The following MYO10 variants were observed in gnomAD, a reference collection of about 807,000 sequenced individuals.
The protein encoded by MYO10 is myosin X.
In MYO10, 133 loss-of-function variants were observed where a neutral mutation model predicts 257.3. The ratio of observed to expected loss-of-function variants is 0.52; its 90% CI spans 0.45 to 0.60. The LOEUF is 0.60. Among genes scored for constraint, MYO10 ranks in the 20% least tolerant of loss-of-function variants. MYO10 has a pLI of 0.00. For synonymous variants in MYO10, 1,104 were observed against 1,028.6 expected (o/e 1.07, Z -1.40); for missense variants, 2,399 against 2,635.7 (o/e 0.91, Z 1.97).
chr5:16,704,612 A>T lies in MYO10; in HGVS notation c.2243T>A (p.Val748Glu). 6.2e-7 allele frequency: 1 copy of T among 1,613,884 alleles called. No homozygotes were observed. The highest frequency in any genetic ancestry group is 8.5e-7 in the Non-Finnish European group (1 of 1,179,878). ...REEEVSHAAM[V>E]IRAHVLGFLA... ...GAAGCCCAAGACATGGGCCCGAATC[A>T]CCATGGCCGCGTGGCTCACTTCCTC... The change falls in exon 22 of 41, where the codon GTG becomes GAG. Residue 748 changes from valine (V) to glutamate (E), a missense_variant. By Grantham distance (121) the Val-to-Glu change is moderately radical. Transcript: ENST00000513610.
At chr5:16,754,689 G>T in intron 19 of MYO10, 139 bp downstream of exon 19, 1 of 479,446 alleles carries the variant, frequency 2.1e-6, no homozygotes, top group East Asian at 3.3e-5. Context: ...TTCATTTCAT[G>T]TCAAGTTATA....
At chr5:16,694,274 C>T (rs534026542) in intron 27 of MYO10, 97 bp downstream of exon 27, 4 of 1,557,132 alleles carry the variant, frequency 2.6e-6, no homozygotes, top group Non-Finnish European at 3.5e-6. Flanking sequence ...CTGCTACAGG[C>T]TACTGCCGCT....
chr5:16,880,542 T>C (rs1276658122), intron 1 of MYO10, among the ~76,000 whole-genome samples: 1 of 152,186 alleles, frequency 6.6e-6, no homozygotes, highest in African/African-American at 2.4e-5. Context: ...TCTTCAAAGA[T>C]GCTCCAAACA....
At chr5:16,668,110 G>T (rs962650958) in intron 40 of MYO10, among the ~76,000 whole-genome samples, 167 bp downstream of exon 40, 9 of 152,174 alleles carry the variant, frequency 5.9e-5, no homozygotes, top group Non-Finnish European at 1.2e-4. Context: ...TCAGATTTTG[G>T]CCTGCAGGGA....
At chr5:16,725,065 T>TCAC (rs1739302432) in intron 19 of MYO10, among the ~76,000 whole-genome samples, 1 of 145,520 alleles carries the variant, frequency 6.9e-6, no homozygotes, top group Admixed American at 6.9e-5. Flanking sequence ...TACAGTTCTC[T>TCAC]CACCTTCTTC....
intron 1 of MYO10, among the ~76,000 whole-genome samples, chr5:16,932,595 G>A (rs145945244): frequency 1.4e-4 from 21 of 152,136 alleles, no homozygotes; most frequent in Middle Eastern, 3.4e-3. Context: ...CAATTAACTC[G>A]AGGGGAGCCA....
At chr5:16,706,374 A>T (rs1265629701) in intron 21 of MYO10, among the ~76,000 whole-genome samples, 1 of 152,204 alleles carries the variant, frequency 6.6e-6, no homozygotes, top group Non-Finnish European at 1.5e-5. Flanking sequence ...TGTAATCATC[A>T]TTAAAGATGT....
chr5:16,774,127 A>G (rs1697867569), intron 9 of MYO10, among the ~76,000 whole-genome samples: 1 of 152,158 alleles, frequency 6.6e-6, no homozygotes, highest in Non-Finnish European at 1.5e-5. Flanking sequence ...AGACTGAAAA[A>G]ACCATGGGAA....
intron 26 of MYO10, among the ~76,000 whole-genome samples, chr5:16,695,170 C>T (rs967208252): frequency 7.2e-5 from 11 of 152,076 alleles, no homozygotes. Flanking sequence ...CCTGTCTCTA[C>T]TAAAAATACA....
rs375419087 is a variant in MYO10 at position 16,701,395 on chromosome 5, G to A, written c.3000C>T (p.Asp1000=). ...EEEVDEGFEA[D]DDAFKDSPNP... is the part of the protein sequence containing the mutation. Reference sequence around the variant, plus strand: ...TGGGGGAGTCCTTGAAGGCGTCGTCGTCGGCTTCGAAGCCCTCATCGACCT... The same window carrying A: ...TGGGGGAGTCCTTGAAGGCGTCGTCATCGGCTTCGAAGCCCTCATCGACCT... The change falls in exon 25 of 41, where the codon GAC becomes GAT. Residue 1000 remains aspartate, a synonymous_variant. Coordinates refer to ENST00000513610, the MANE Select transcript of MYO10 (RefSeq NM_012334.3). The surrounding 1 kb of genome is among the most constrained non-coding windows in gnomAD (Gnocchi z 8.1). 2.8e-5 allele frequency: 45 copies of A among 1,613,962 alleles called. No homozygotes were observed. The South Asian group carries it at 3.2e-4, about 11-fold the overall frequency.
At chr5:16,808,960 A>C (rs1464980892) in intron 3 of MYO10, among the ~76,000 whole-genome samples, 1 of 151,824 alleles carries the variant, frequency 6.6e-6, no homozygotes, top group Non-Finnish European at 1.5e-5. Context: ...ATGAGCCACC[A>C]CGCCCAGCCT....
intron 1 of MYO10, among the ~76,000 whole-genome samples, chr5:16,880,343 C>T (rs1300282681): frequency 1.3e-5 from 2 of 151,576 alleles, no homozygotes; most frequent in East Asian, 3.9e-4. Context: ...ATCACAGTGG[C>T]TGGAGATCCC....
chr5:16,678,743 G>C (rs1736849593), intron 33 of MYO10, among the ~76,000 whole-genome samples: 1 of 152,200 alleles, frequency 6.6e-6, no homozygotes, highest in African/African-American at 2.4e-5. Context: ...CAAAAACTGA[G>C]TTCCCTCTTG....
intron 1 of MYO10, among the ~76,000 whole-genome samples, chr5:16,889,368 T>A: frequency 6.6e-6 from 1 of 150,800 alleles, no homozygotes; most frequent in Non-Finnish European, 1.5e-5. Flanking sequence ...ATCACGCCAC[T>A]ATACTCCAGC....
chr5:16,750,932 T>C (rs1394773663), intron 19 of MYO10, among the ~76,000 whole-genome samples: 2 of 151,436 alleles, frequency 1.3e-5, no homozygotes, highest in African/African-American at 2.4e-5. Flanking sequence ...GAGACGGAGG[T>C]TGTGGTGAGC....
intron 37 of MYO10, 118 bp downstream of exon 37, chr5:16,672,571 A>C: frequency 8.0e-7 from 1 of 1,255,268 alleles, no homozygotes; most frequent in Non-Finnish European, 1.1e-6. Flanking sequence ...CACAGGTAAA[A>C]TAAAACTAAC....
chr5:16,809,530 CG>C (rs1742371487), intron 3 of MYO10, among the ~76,000 whole-genome samples: 1 of 152,190 alleles, frequency 6.6e-6, no homozygotes, highest in African/African-American at 2.4e-5. Flanking sequence ...TCTGTTCAAC[CG>C]GCTGCTAAAA....
At chr5:16,773,273 G>C (rs1466041318) in intron 9 of MYO10, among the ~76,000 whole-genome samples, 13 of 152,020 alleles carry the variant, frequency 8.6e-5, no homozygotes, top group Non-Finnish European at 1.9e-4. Flanking sequence ...TAAAAGCAAA[G>C]AAATACGGTT....
intron 1 of MYO10, among the ~76,000 whole-genome samples, chr5:16,883,158 A>G (rs962773603): frequency 4.6e-5 from 7 of 151,738 alleles, no homozygotes; most frequent in African/African-American, 1.7e-4. Context: ...CTTGTGATCC[A>G]CCCGCCTCGG....
Sources: gnomAD v4.1 joint callset for allele counts (sites outside exome capture counted in the v4.1 genomes callset) on GRCh38, gnomAD v4.1.1 for gene constraint, Gnocchi (gnomAD v3.1) non-coding constraint, MANE v1.5 for transcripts, NCBI Gene and HGNC (gene_info 2026-07-23, HGNC 2026-07-21) for gene names.